The following MUC12 variants were observed in gnomAD, a reference collection of about 807,000 sequenced individuals.
The protein encoded by MUC12 is mucin-12.
In MUC12, 172 loss-of-function variants were observed where a neutral mutation model predicts 230.8. The observed-to-expected ratio is 0.75, with a 90% CI of 0.66 to 0.85. The LOEUF is 0.85. Among genes scored for constraint, MUC12 ranks in the 40% least tolerant of loss-of-function variants. MUC12 has a pLI of 0.00. For missense variants in MUC12, 3,506 were observed against 5,920.6 expected (o/e 0.59, Z 13.38); for synonymous variants, 1,259 against 2,401.9 (o/e 0.52, Z 13.91).
intron 1 of MUC12, chr7:100,972,151 A>G: frequency 2.8e-6 from 2 of 703,534 alleles, no homozygotes; most frequent in East Asian, 2.7e-5. Flanking sequence ...ATTTCCCAGC[A>G]GGTAGCTCAT....
At position 101,003,300 on chromosome 7, in the gene MUC12, C is replaced by A; in HGVS notation, c.12737C>A (p.Ala4246Asp). ...CCAGGCGTCAGTCAGGAATCTACAG[C>A]TTCCCACAGCAGCCCAGGCTCCACA... ...TMPGVSQEST[A>D]SHSSPGSTDT... The change falls in exon 2 of 12, where the codon GCT (alanine) becomes GAT (aspartate). Residue 4246 changes from alanine to aspartate, a missense_variant. Ala to Asp is a moderately radical substitution (Grantham distance 126). Coordinates refer to ENST00000536621, the MANE Select transcript of MUC12 (RefSeq NM_001164462.2). 1.3e-6 allele frequency: 2 copies of A among 1,522,554 alleles called. No homozygotes were observed. Among genetic ancestry groups the A allele is most frequent in the Non-Finnish European group, 1.8e-6 (2 of 1,141,146 alleles). The allele number at this position is 1,522,554 out of a possible 1,614,324, so 94.3% of individuals were successfully genotyped here.
In MUC12 at chr7:100,991,599, C is replaced by A. The variant is rs953208891; in HGVS notation, c.1036C>A (p.Pro346Thr). 5.9e-6 allele frequency: 9 copies of A among 1,537,030 alleles called. No homozygotes were observed. Among genetic ancestry groups the A allele is most frequent in the East Asian group, 4.9e-5 (2 of 40,894 alleles). Residue 346 changes from proline to threonine, a missense_variant, in exon 2 of 12, where the codon CCT becomes ACT. Pro to Thr is a conservative substitution (Grantham distance 38). Transcript: ENST00000536621. Reference protein sequence around the residue: ...SPVATATTPPPARSATSGHVE... With the variant: ...SPVATATTPPTARSATSGHVE... Reference sequence around the variant, plus strand: ...AGTTGCAACTGCAACAACACCCCCACCTGCCCGCTCCGCGACCTCAGGCCA... The same window carrying A: ...AGTTGCAACTGCAACAACACCCCCAACTGCCCGCTCCGCGACCTCAGGCCA...
At chr7:100,971,451 G>GAC (rs1260261556) in intron 1 of MUC12, among the ~76,000 whole-genome samples, 21 of 152,404 alleles carry the variant, frequency 1.4e-4, no homozygotes, top group African/African-American at 4.8e-4. Flanking sequence ...AGCCCTGCAG[G>GAC]ACACCTTCGA....
chr7:100,982,444 T>TC (rs1793123661), intron 1 of MUC12, among the ~76,000 whole-genome samples: 1 of 151,752 alleles, frequency 6.6e-6, no homozygotes, highest in African/African-American at 2.4e-5. Flanking sequence ...TCTTTTCTTT[T>TC]TTTTTTTTTA....
chr7:100,972,174 A>C (rs1792916286), intron 1 of MUC12: 2 of 703,340 alleles, frequency 2.8e-6, no homozygotes, highest in Non-Finnish European at 5.2e-6. Context: ...AATTCTCATG[A>C]GGAGATCTGT....
At chr7:101,009,023 G>T in intron 4 of MUC12, 72 bp from the exon 5 acceptor site, 1 of 1,495,202 alleles carries the variant, frequency 6.7e-7, no homozygotes, top group Non-Finnish European at 9.0e-7. Flanking sequence ...GCCTAGGGCT[G>T]CCTCAAGAAG....
In MUC12 at chr7:101,003,278, G is replaced by A. The variant is rs769353741; in HGVS notation, c.12715G>A (p.Gly4239Ser). The stretch of plus-strand genomic sequence containing the variant: ...ATTCCCTAGCAGTACCACCATGCCA[G>A]GCGTCAGTCAGGAATCTACAGCTTC... ...TAFPSSTTMP[G>S]VSQESTASHS... Residue 4239 changes from glycine (G) to serine (S), a missense_variant, in exon 2 of 12, where the codon GGC (glycine) becomes AGC (serine). Transcript: ENST00000536621. 3 of 1,518,022 alleles carry A rather than the reference G, an allele frequency of 2.0e-6. No homozygotes were observed. The highest frequency in any genetic ancestry group is 2.6e-6 in the Non-Finnish European group (3 of 1,139,808). 94.0% of individuals were successfully genotyped at this position (1,518,022 alleles called of 1,614,324 possible).
rs1400478499 is a variant in MUC12 at position 100,970,126 on chromosome 7, G to C, written c.67+437G>C. ...GTCGGGAGAGAGGGAGTCCAGAGGG[G>C]TGTGTGACAGTATCATCTCTTGACT... On this transcript the variant is annotated intron_variant, in intron 1 of 11. Transcript: ENST00000536621. 3.9e-5 allele frequency among the ~76,000 whole-genome samples: 6 copies of C among 152,416 alleles called. No homozygotes were observed. The East Asian group carries it at 1.2e-3, about 29-fold the overall frequency.
intron 1 of MUC12, among the ~76,000 whole-genome samples, chr7:100,990,225 C>T (rs1015972425): frequency 3.3e-5 from 5 of 152,160 alleles, no homozygotes; most frequent in East Asian, 1.9e-4. Context: ...GGATCAGGAG[C>T]GGCATGAGAT....
chr7:100,984,796 C>T (rs985378464), intron 1 of MUC12, among the ~76,000 whole-genome samples: 1 of 152,174 alleles, frequency 6.6e-6, no homozygotes, highest in African/African-American at 2.4e-5. Flanking sequence ...CTTTTTCTCT[C>T]TAACGGACAT....
rs1793298462 is a variant in MUC12, at chr7:100,991,466, A to G, written c.903A>G (p.Leu301=). 6 of 1,537,724 alleles carry G rather than the reference A, an allele frequency of 3.9e-6. No individual in the cohort carries two copies. The highest frequency in any genetic ancestry group is 5.2e-6 in the Non-Finnish European group (6 of 1,147,028). ...GTACCACATCAGCCTTTGTTAAACT[A>G]TCTACAACTTATCACAGCAGCCCGA... ...PSGTTSAFVK[L]STTYHSSPSS... is the part of the protein sequence containing the mutation. The change falls in exon 2 of 12, where the codon CTA becomes CTG. Residue 301 remains leucine, a synonymous_variant. Coordinates refer to ENST00000536621, the MANE Select transcript of MUC12 (RefSeq NM_001164462.2).
Position 100,990,710 on chromosome 7 carries a change from T to C in MUC12, c.147T>C (p.Phe49=). The C allele has an allele frequency of 3.3e-6, 5 of 1,537,878 alleles. No homozygotes were observed. The highest frequency in any genetic ancestry group is 1.2e-5 in the South Asian group (1 of 84,058). Residue 49 remains phenylalanine (F), a synonymous_variant, in exon 2 of 12, where the codon TTT becomes TTC. Transcript: ENST00000536621. ...GTTCAAGCGACCCTTTTACCACCTT[T>C]AGTGACTATGGGGTGTCAGTCACAT... is the stretch of plus-strand genomic sequence containing the variant. The part of the protein sequence containing the change: ...TPSSSDPFTT[F]SDYGVSVTFI...
intron 1 of MUC12, among the ~76,000 whole-genome samples, chr7:100,978,291 A>C (rs1263244090): frequency 1.3e-5 from 2 of 151,958 alleles, no homozygotes; most frequent in Non-Finnish European, 2.9e-5. Flanking sequence ...TACCTCTACA[A>C]CTCAGCCAGG....
intron 1 of MUC12, among the ~76,000 whole-genome samples, chr7:100,976,769 G>A (rs1291965230): frequency 2.6e-5 from 4 of 151,896 alleles, no homozygotes; most frequent in East Asian, 1.9e-4. Flanking sequence ...TAATTTGCTC[G>A]GTGGGGCGTG....
At chr7:100,974,136 G>A (rs1205839626) in intron 1 of MUC12, among the ~76,000 whole-genome samples, 1 of 152,208 alleles carries the variant, frequency 6.6e-6, no homozygotes. Context: ...GTGACAGAGT[G>A]AGGCCCTGTC....
intron 1 of MUC12, among the ~76,000 whole-genome samples, chr7:100,976,868 T>A (rs185714708): frequency 1.3e-5 from 2 of 151,710 alleles, no homozygotes; most frequent in South Asian, 2.1e-4. Context: ...CTGGCCAACA[T>A]GGTGAAACCC....
At chr7:100,985,578 T>C (rs1465916214) in intron 1 of MUC12, among the ~76,000 whole-genome samples, 1 of 152,190 alleles carries the variant, frequency 6.6e-6, no homozygotes, top group Non-Finnish European at 1.5e-5. Context: ...CTCCCAAGAA[T>C]GAACAAGGAC....
intron 1 of MUC12, among the ~76,000 whole-genome samples, chr7:100,988,169 G>A (rs546561763): frequency 4.0e-5 from 6 of 150,364 alleles, no homozygotes; most frequent in Non-Finnish European, 7.4e-5. Context: ...GCAGTGGTGG[G>A]TGCCTGTAAT....
rs1346236674 is a variant in MUC12 at position 100,995,589 on chromosome 7, C to T, written c.5026C>T (p.Pro1676Ser). The T allele has an allele frequency of 1.6e-5, 25 of 1,536,810 alleles. No individual in the cohort carries two copies. In the South Asian group the frequency reaches 2.7e-4, roughly 17 times the overall value. ...TGGATCGCCACACACAACACTGTCC[C>T]CTGCCGGCTCTACAACACGTCAGGG... Reference protein sequence around the residue: ...STGSPHTTLSPAGSTTRQGES... With the variant: ...STGSPHTTLSSAGSTTRQGES... The change falls in exon 2 of 12, where the codon CCT becomes TCT. Residue 1676 changes from proline to serine, a missense_variant. Coordinates refer to ENST00000536621, the MANE Select transcript of MUC12 (RefSeq NM_001164462.2).
Sources: allele counts gnomAD v4.1 joint callset (sites outside exome capture counted in the v4.1 genomes callset), GRCh38; gene constraint gnomAD v4.1.1; transcripts MANE v1.5; gene names NCBI Gene and HGNC (gene_info 2026-07-23, HGNC 2026-07-21).